The following PRG4 variants were observed in gnomAD, a reference collection of about 807,000 sequenced individuals.
PRG4 encodes proteoglycan 4, also known as articular superficial zone protein.
PRG4 carries 61 observed loss-of-function variants against 91.2 expected under a neutral mutation model. The ratio of observed to expected loss-of-function variants is 0.67; its 90% CI spans 0.54 to 0.83. The LOEUF is 0.83. Ranked by LOEUF, PRG4 falls within the 40% of genes least tolerant of loss-of-function variation. The pLI, the probability that PRG4 is intolerant of heterozygous loss-of-function variation, is 0.00. For missense variants in PRG4, 1,564 were observed against 1,714.2 expected (o/e 0.91, Z 1.55); for synonymous variants, 576 against 614.2 (o/e 0.94, Z 0.92).
At chr1:186,306,265 T>C (rs1022682909) in intron 6 of PRG4, 53 bp from the exon 7 acceptor site, 1 of 1,399,196 alleles carries the variant, frequency 7.1e-7, no homozygotes, top group Non-Finnish European at 9.8e-7. Flanking sequence ...TTTATGTCAC[T>C]ATTAAAGAAA....
chr1:186,296,997 T>C, intron 2 of PRG4, 46 bp downstream of exon 2: 1 of 1,480,146 alleles, frequency 6.8e-7, no homozygotes, highest in Non-Finnish European at 9.4e-7. Flanking sequence ...CTATTGCTAA[T>C]CATTCAGTCT....
rs1656417202 is a variant in PRG4 at position 186,304,394 on chromosome 1, C to T, written c.469+137C>T. ...CCTCATTACACTCGAAGGTTTTAGA[C>T]TTTGCTTTTAAGTAAAGTTTAAGAC... is the stretch of plus-strand genomic sequence containing the variant. On this transcript the variant is annotated intron_variant, in intron 5 of 12. Coordinates refer to ENST00000445192, the MANE Select transcript of PRG4 (RefSeq NM_005807.6). 15 of 1,079,914 alleles carry T rather than the reference C, an allele frequency of 1.4e-5. No individual in the cohort carries two copies. In the Admixed American group the frequency reaches 3.3e-4, roughly 24 times the overall value. The allele number at this position is 1,079,914 out of a possible 1,614,324, so 66.9% of individuals were successfully genotyped here. A position where few individuals can be genotyped will look rare whatever the true frequency, so the allele number is the denominator to read the frequency against.
In PRG4 at chr1:186,306,765, A is replaced by G. The variant is rs758400773; in HGVS notation, c.1046A>G (p.Glu349Gly). ...GGCCCTGCTCTCACCACTCCCAAGG[A>G]GCCCACGCCCACCACTCCCAAGGAG... is the stretch of plus-strand genomic sequence containing the variant. ...TKGPALTTPK[E>G]PTPTTPKEPA... Residue 349 changes from glutamate (E) to glycine (G), a missense_variant, in exon 7 of 13, where the codon GAG (glutamate) becomes GGG (glycine). Coordinates refer to ENST00000445192, the MANE Select transcript of PRG4 (RefSeq NM_005807.6). 1.9e-6 allele frequency: 3 copies of G among 1,613,322 alleles called. No homozygotes were observed. The highest frequency in any genetic ancestry group is 1.3e-5 in the African/African-American group (1 of 74,730).
In PRG4 at chr1:186,301,719, T is replaced by C. The variant is rs762273156; in HGVS notation, c.319+8T>C. On this transcript the variant is annotated splice_region_variant and intron_variant, in intron 4 of 12. Coordinates refer to ENST00000445192, the MANE Select transcript of PRG4 (RefSeq NM_005807.6). ...AGAGTTTCTGTGCAGAAGGTAAGCA[T>C]CACAGTACCAACCAATGCTTCTCAG... is the stretch of plus-strand genomic sequence containing the variant. The C allele has an allele frequency of 2.5e-6, 4 of 1,613,188 alleles. No individual in the cohort carries two copies. Among genetic ancestry groups the C allele is most frequent in the Admixed American group, 1.7e-5 (1 of 59,984 alleles).
In PRG4 at chr1:186,305,535, C is replaced by CT. The variant is rs1454128579; in HGVS notation, c.598+616dup. 2.0e-5 allele frequency among the ~76,000 whole-genome samples: 3 copies of CT among 152,168 alleles called. No homozygotes were observed. In the East Asian group the frequency reaches 5.8e-4, roughly 29 times the overall value. ...AGTTCTGGTTCTAAATATATATTCT[C>CT]TTTCTCCAGGAAATACTGGATTTTT... is the stretch of plus-strand genomic sequence containing the variant. On this transcript the variant is annotated intron_variant, in intron 6 of 12. Transcript: ENST00000445192.
Position 186,308,987 on chromosome 1 carries a change from G to T in PRG4, c.3268G>T (p.Val1090Leu). Residue 1090 changes from valine to leucine, a missense_variant, in exon 7 of 13, where the codon GTA becomes TTA. Physicochemically the swap from Val to Leu is conservative, Grantham distance 32 (BLOSUM62 1). Coordinates refer to ENST00000445192, the MANE Select transcript of PRG4 (RefSeq NM_005807.6). ...NQTPNSKLVE[V>L]NPKSEDAGGA... ...AACTCCAAACTCCAAACTAGTTGAA[G>T]TAAATCCAAAGAGTGAAGATGCAGG... The T allele has an allele frequency of 6.2e-7, 1 of 1,608,944 alleles. No individual in the cohort carries two copies. The highest frequency in any genetic ancestry group is 1.3e-5 in the African/African-American group (1 of 74,664).
rs1231786428 is a variant in PRG4 at position 186,296,850 on chromosome 1, G to C, written c.-26G>C. The C allele has an allele frequency of 1.3e-6, 2 of 1,573,714 alleles. No individual in the cohort carries two copies. Among genetic ancestry groups the C allele is most frequent in the Non-Finnish European group, 1.7e-6 (2 of 1,143,764 alleles). On this transcript the variant is annotated 5_prime_UTR_variant, in exon 2 of 13. Transcript: ENST00000445192. Reference sequence around the variant, plus strand: ...ATACTTTTATTTTATTTTCAGCAAGGGTACCTACGGTACCTGAAAACAACG... The same window carrying C: ...ATACTTTTATTTTATTTTCAGCAAGCGTACCTACGGTACCTGAAAACAACG...
At chr1:186,302,084 T>G (rs1205333456) in intron 4 of PRG4, among the ~76,000 whole-genome samples, 2 of 152,212 alleles carry the variant, frequency 1.3e-5, no homozygotes, top group Non-Finnish European at 2.9e-5. Context: ...TCAACTATCC[T>G]TTGAGCTATC....
At chr1:186,311,194 G>T (rs1657194404) in intron 9 of PRG4, 24 bp downstream of exon 9, 2 of 1,592,688 alleles carry the variant, frequency 1.3e-6, no homozygotes, top group South Asian at 1.1e-5. Flanking sequence ...CTTTGTGAGA[G>T]AAATTTAATA....
Position 186,307,285 on chromosome 1 carries a change from T to G in PRG4, c.1566T>G (p.Pro522=). The G allele has an allele frequency of 6.5e-7, 1 of 1,534,300 alleles. No homozygotes were observed. Among genetic ancestry groups the G allele is most frequent in the Non-Finnish European group, 8.8e-7 (1 of 1,142,744 alleles). The change falls in exon 7 of 13, where the codon CCT becomes CCG. Residue 522 remains proline (P), a synonymous_variant. Transcript: ENST00000445192. The stretch of plus-strand genomic sequence containing the variant: ...CTTCACCCACCACTCCCAAGGAGCC[T>G]GCACCCACCACCACCAAGTCTGCAC... ...KEPSPTTPKE[P]APTTTKSAPT... is the part of the protein sequence containing the mutation.
chr1:186,311,280 CATCAAAATTTA>C, intron 9 of PRG4, 110 bp downstream of exon 9: 3 of 1,423,228 alleles, frequency 2.1e-6, no homozygotes, highest in Non-Finnish European at 3.0e-6. Flanking sequence ...AATACTCTGT[CATCAAAATTTA>C]ATCATAATTC....
At chr1:186,304,047 CAGTT>C in intron 4 of PRG4, 57 bp from the exon 5 acceptor site, 5 of 1,571,726 alleles carry the variant, frequency 3.2e-6, no homozygotes, top group Non-Finnish European at 3.5e-6. Context: ...GTGCTTTTCA[CAGTT>C]AGAGCTGCTG....
chr1:186,309,499 T>C (rs905014097), intron 7 of PRG4, among the ~76,000 whole-genome samples: 2 of 152,238 alleles, frequency 1.3e-5, no homozygotes, highest in African/African-American at 4.8e-5. Context: ...AACTGAAAGA[T>C]GCAATTTCAC....
intron 4 of PRG4, among the ~76,000 whole-genome samples, chr1:186,303,166 C>A (rs1009362322): frequency 6.6e-6 from 1 of 152,080 alleles, no homozygotes; most frequent in Non-Finnish European, 1.5e-5. Flanking sequence ...GGAATCCCAG[C>A]CATCCAAGTG....
rs1656962023 is a variant in PRG4 at position 186,308,913 on chromosome 1, C to T, written c.3194C>T (p.Thr1065Ile). 6.2e-7 allele frequency: 1 copy of T among 1,612,592 alleles called. No individual in the cohort carries two copies. Among genetic ancestry groups the T allele is most frequent in the African/African-American group, 1.3e-5 (1 of 74,726 alleles). The stretch of plus-strand genomic sequence containing the variant: ...TCAACAATGCCAGAATTGAACCCTA[C>T]CTCAAGAATAGCAGAAGCCATGCTC... ...MTSTMPELNP[T>I]SRIAEAMLQT... Residue 1065 changes from threonine to isoleucine, a missense_variant, in exon 7 of 13, where the codon ACC (threonine) becomes ATC (isoleucine). By Grantham distance (89) the Thr-to-Ile change is moderately conservative. Transcript: ENST00000445192.
rs777533314 is a variant in PRG4 at position 186,308,027 on chromosome 1, C to T, written c.2308C>T (p.Pro770Ser). 1.2e-6 allele frequency: 2 copies of T among 1,610,056 alleles called. No homozygotes were observed. Among genetic ancestry groups the T allele is most frequent in the South Asian group, 2.2e-5 (2 of 90,840 alleles). Residue 770 changes from proline (P) to serine (S), a missense_variant, in exon 7 of 13, where the codon CCT becomes TCT. This residue lies in a region of PRG4 where 1,079 missense variants were observed against 1,162.2 expected (regional missense o/e 0.93). Transcript: ENST00000445192. The stretch of plus-strand genomic sequence containing the variant: ...CCCTAAGGAGCCTGCTCCAACTACC[C>T]CTAAGGAGCCTGCTCCAACTACCCC... ...TTPKEPAPTT[P>S]KEPAPTTPKG...
chr1:186,301,374 G>A (rs1339214930), intron 3 of PRG4, among the ~76,000 whole-genome samples: 2 of 152,136 alleles, frequency 1.3e-5, no homozygotes, highest in African/African-American at 4.8e-5. Context: ...AGGGCAAGAG[G>A]AGTTGCCCTC....
rs1344084788 is a variant in PRG4 at position 186,296,970 on chromosome 1, A to G, written c.76+19A>G. ...TCTCAAGGTAGCTTAACCATCGAACATACTTTTATTTAACAACTATTGCTA... is the reference window on the plus strand; with the variant it reads ...TCTCAAGGTAGCTTAACCATCGAACGTACTTTTATTTAACAACTATTGCTA... On this transcript the variant is annotated intron_variant, in intron 2 of 12. Coordinates refer to ENST00000445192, the MANE Select transcript of PRG4 (RefSeq NM_005807.6). The G allele has an allele frequency of 2.5e-6, 4 of 1,595,416 alleles. No individual in the cohort carries two copies. The Admixed American group carries it at 5.0e-5, about 20-fold the overall frequency.
rs1330309717 is a variant in PRG4, at chr1:186,314,060, C to A, written c.*282C>A. On this transcript the variant is annotated 3_prime_UTR_variant, in exon 13 of 13. Transcript: ENST00000445192. ...GAAAAAAGAATCAAATTGAATATAT[C>A]TTTTAAGAATTCAAAACTAGTGTAT... 3 of 1,591,630 alleles carry A rather than the reference C, an allele frequency of 1.9e-6. No individual in the cohort carries two copies. Among genetic ancestry groups the A allele is most frequent in the South Asian group, 1.1e-5 (1 of 89,392 alleles).
Sources: gnomAD v4.1 joint callset for allele counts (sites outside exome capture counted in the v4.1 genomes callset) on GRCh38, gnomAD v4.1.1 for gene constraint, gnomAD v4.1.1 regional missense constraint, MANE v1.5 for transcripts, NCBI Gene and HGNC (gene_info 2026-07-23, HGNC 2026-07-21) for gene names.